The following TF variants were observed in gnomAD, a reference collection of about 807,000 sequenced individuals.
TF encodes the protein serotransferrin.
TF carries 55 observed loss-of-function variants against 82.4 expected under a neutral mutation model. That is an observed-to-expected ratio of 0.67 (90% CI 0.54 to 0.84). The LOEUF (loss-of-function observed/expected upper bound fraction) is 0.84. TF is among the 40% of genes least tolerant of loss of function. The pLI is 0.00. For missense variants in TF, 737 were observed against 868.4 expected (o/e 0.85, Z 1.90); for synonymous variants, 332 against 332.6 (o/e 1.00, Z 0.02).
rs1042148499 is a variant in TF, at chr3:133,793,194, A to G, written c.*14574A>G. 1 of 152,190 alleles carries G rather than the reference A, an allele frequency of 6.6e-6. No homozygotes were observed. The highest frequency in any genetic ancestry group is 1.5e-5 in the Non-Finnish European group (1 of 68,014). The allele number at this position is 152,190 out of a possible 1,614,324, so 9.4% of individuals were successfully genotyped here. A position where few individuals can be genotyped will look rare whatever the true frequency, so the allele number is the denominator to read the frequency against. ...CAAAAAAAAGGAAGGGAAAGACAAG[A>G]GACAGATTGTTTGTAAAGTAAGTCT... is the stretch of plus-strand genomic sequence containing the variant. On this transcript the variant is annotated 3_prime_UTR_variant, in exon 17 of 17. Coordinates refer to ENST00000402696, the MANE Select transcript of TF (RefSeq NM_001063.4).
At position 133,794,261 on chromosome 3, in the gene TF, T is replaced by C. The variant is rs957712234; in HGVS notation, c.*15641T>C. ...AAGATAAAATGATCCAAATTGAATATATTGATGTGGTGACTTATAAATTGC... is the reference window on the plus strand; with the variant it reads ...AAGATAAAATGATCCAAATTGAATACATTGATGTGGTGACTTATAAATTGC... On this transcript the variant is annotated 3_prime_UTR_variant, in exon 17 of 17. Transcript: ENST00000402696. 6.6e-6 allele frequency: 1 copy of C among 152,226 alleles called. No individual in the cohort carries two copies. The highest frequency in any genetic ancestry group is 2.4e-5 in the African/African-American group (1 of 41,470). The allele number at this position is 152,226 out of a possible 1,614,324, so 9.4% of individuals were successfully genotyped here.
At chr3:133,693,403 G>C in the TF span, among the ~76,000 whole-genome samples, 4 of 152,182 alleles carry the variant, frequency 2.6e-5, no homozygotes, top group Non-Finnish European at 5.9e-5. Context: ...GTAAGGCTAG[G>C]GTGATTTTTC....
intron 9 of TF, 75 bp downstream of exon 9, chr3:133,759,404 G>A (rs1455297941): frequency 1.3e-6 from 2 of 1,584,208 alleles, no homozygotes; most frequent in Non-Finnish European, 1.7e-6. Context: ...GAGCTAGGGA[G>A]TGTTCCTGGG....
chr3:133,734,243 C>A, the TF span, among the ~76,000 whole-genome samples: 3 of 152,242 alleles, frequency 2.0e-5, no homozygotes, highest in South Asian at 6.2e-4. Flanking sequence ...CAAGAATTAC[C>A]ACACCTGGCA....
the TF span, among the ~76,000 whole-genome samples, chr3:133,735,927 C>T: frequency 6.6e-6 from 1 of 152,240 alleles, no homozygotes; most frequent in South Asian, 2.1e-4. Flanking sequence ...CAAGACAGGC[C>T]AACATTCCAA....
chr3:133,713,725 C>T, the TF span, among the ~76,000 whole-genome samples: 7 of 152,164 alleles, frequency 4.6e-5, no homozygotes, highest in Non-Finnish European at 1.0e-4. Flanking sequence ...GTCCGGCAGT[C>T]AGCAGGTATG....
chr3:133,742,132 T>C (rs2107901931), upstream of TF, among the ~76,000 whole-genome samples: 1 of 152,248 alleles, frequency 6.6e-6, no homozygotes, highest in East Asian at 1.9e-4. Flanking sequence ...TACAGGTGCA[T>C]GCCACTGTGT....
At chr3:133,736,531 C>G in the TF span, among the ~76,000 whole-genome samples, 1 of 148,812 alleles carries the variant, frequency 6.7e-6, no homozygotes, top group Non-Finnish European at 1.5e-5. Context: ...GAGTCAAGAC[C>G]CATCAGTGTG....
Position 133,777,121 on chromosome 3 carries a change from C to G in TF, c.1945C>G (p.Leu649Val). 1 of 1,614,214 alleles carries G rather than the reference C, an allele frequency of 6.2e-7. No individual in the cohort carries two copies. Among genetic ancestry groups the G allele is most frequent in the Non-Finnish European group, 8.5e-7 (1 of 1,180,034 alleles). The change falls in exon 16 of 17, where the codon CTG becomes GTG. Residue 649 changes from leucine to valine, a missense_variant. Leu to Val is a conservative substitution (Grantham distance 32). Transcript: ENST00000402696. ...GTTCCGGTCGGAAACCAAGGACCTT[C>G]TGTTCAGAGATGACACAGTATGTTT... ...CLFRSETKDL[L>V]FRDDTVCLAK...
chr3:133,756,488 C>T, intron 6 of TF, 151 bp downstream of exon 6: 1 of 911,496 alleles, frequency 1.1e-6, no homozygotes, highest in Non-Finnish European at 1.7e-6. Context: ...AGTTAGGTAC[C>T]TACGGGGTCC....
chr3:133,729,446 G>A, the TF span, among the ~76,000 whole-genome samples: 3 of 152,232 alleles, frequency 2.0e-5, no homozygotes, highest in Non-Finnish European at 2.9e-5. Context: ...CTCCGTGGGC[G>A]TAGGACCCTC....
the TF span, among the ~76,000 whole-genome samples, chr3:133,683,347 A>G: frequency 6.6e-6 from 1 of 152,220 alleles, no homozygotes; most frequent in Admixed American, 6.5e-5. Flanking sequence ...AAATTCACAC[A>G]TAACAATATG....
At chr3:133,667,065 G>A in the TF span, among the ~76,000 whole-genome samples, 15 of 151,806 alleles carry the variant, frequency 9.9e-5, no homozygotes, top group African/African-American at 3.1e-4. Context: ...AATCCAGGCC[G>A]GATGCAGTGG....
chr3:133,696,109 T>A, the TF span, among the ~76,000 whole-genome samples: 1 of 152,172 alleles, frequency 6.6e-6, no homozygotes, highest in African/African-American at 2.4e-5. Flanking sequence ...CACTTAACTT[T>A]TATTACAGCA....
At chr3:133,778,458 C>T (rs1934450366) in intron 16 of TF, 128 bp from the exon 17 acceptor site, 1 of 970,238 alleles carries the variant, frequency 1.0e-6, no homozygotes, top group Admixed American at 2.0e-5. Flanking sequence ...GAGAACGGCC[C>T]AGTTCACAGA....
intron 9 of TF, among the ~76,000 whole-genome samples, 157 bp downstream of exon 9, chr3:133,759,486 A>G (rs555244642): frequency 5.9e-5 from 9 of 152,152 alleles, no homozygotes; most frequent in Non-Finnish European, 7.3e-5. Context: ...GAGGTTCAGA[A>G]TCTTTGAGCT....
At chr3:133,766,212 TTGGAAGCAGACACTC>T in intron 11 of TF, 51 bp from the exon 12 acceptor site, 4 of 1,496,282 alleles carry the variant, frequency 2.7e-6, no homozygotes, top group Non-Finnish European at 3.7e-6. Flanking sequence ...GGGAAATTGA[TTGGAAGCAGACACTC>T]TGGAAGCCCC....
At chr3:133,699,660 C>T in the TF span, 1 of 493,658 alleles carries the variant, frequency 2.0e-6, no homozygotes, top group Non-Finnish European at 4.1e-6. Flanking sequence ...TGGCTTAGTG[C>T]TCCCTGCTTG....
rs755198689 is a variant in TF at position 133,755,351 on chromosome 3, T to C, written c.503-12T>C. 2 of 1,614,080 alleles carry C rather than the reference T, an allele frequency of 1.2e-6. No homozygotes were observed. The highest frequency in any genetic ancestry group is 1.1e-5 in the South Asian group (1 of 91,080). ...ACTCATGCTCTGTTGTCCATTTCTC[T>C]GTGCTGAGCAGCAGTGGCCAATTTC... On this transcript the variant is annotated splice_polypyrimidine_tract_variant and intron_variant, in intron 4 of 16. Transcript: ENST00000402696.
Sources: allele counts gnomAD v4.1 joint callset (sites outside exome capture counted in the v4.1 genomes callset), GRCh38; gene constraint gnomAD v4.1.1; transcripts MANE v1.5; gene names NCBI Gene and HGNC (gene_info 2026-07-23, HGNC 2026-07-21).